The following PREX2 variants were observed in gnomAD, a reference collection of about 807,000 sequenced individuals.
The protein encoded by PREX2 is phosphatidylinositol-3,4,5-trisphosphate dependent Rac exchange factor 2, also known as phosphatidylinositol 3,4,5-trisphosphate-dependent Rac exchanger 2 protein.
In PREX2, 107 loss-of-function variants were observed where a neutral mutation model predicts 203.2. That is an observed-to-expected ratio of 0.53 (90% CI 0.45 to 0.62). PREX2 has a LOEUF of 0.62. PREX2 is among the 20% of genes least tolerant of loss of function. The pLI is 0.00. For missense variants in PREX2, 1,777 were observed against 1,955.9 expected (o/e 0.91, Z 1.72); for synonymous variants, 672 against 663.6 (o/e 1.01, Z -0.19).
intron 35 of PREX2, among the ~76,000 whole-genome samples, 175 bp from the exon 36 acceptor site, chr8:68,191,547 T>C (rs1812294380): frequency 6.6e-6 from 1 of 152,202 alleles, no homozygotes; most frequent in African/African-American, 2.4e-5. Context: ...GGTAATTTTA[T>C]CCATCTTTTT....
At chr8:68,100,715 T>G (rs892377910) in intron 23 of PREX2, among the ~76,000 whole-genome samples, 4 of 152,246 alleles carry the variant, frequency 2.6e-5, no homozygotes, top group Admixed American at 6.5e-5. Context: ...CCTGTACATT[T>G]TGGGACTTGG....
At chr8:68,101,320 AT>A in intron 23 of PREX2, 1 of 518,096 alleles carries the variant, frequency 1.9e-6, no homozygotes, top group Non-Finnish European at 3.9e-6. Flanking sequence ...AGAGATCATG[AT>A]TTTTTCCTTT....
rs1805358566 is a variant in PREX2, at chr8:67,952,183, CA to C, written c.-211del. On this transcript the variant is annotated 5_prime_UTR_variant, in exon 1 of 40. It removes the in-frame stop codon of an upstream open reading frame in the 5' UTR. Transcript: ENST00000288368. The stretch of plus-strand genomic sequence containing the variant: ...CCCCCACTCCCAGGAGTTTCCTCTG[CA>C]GAGCCCCGCGCCCCCCGCGCCGGGA... The C allele has an allele frequency of 2.6e-6, 1 of 390,316 alleles. No individual in the cohort carries two copies. Among genetic ancestry groups the C allele is most frequent in the African/African-American group, 2.1e-5 (1 of 47,116 alleles). The allele number at this position is 390,316 out of a possible 1,614,324, so 24.2% of individuals were successfully genotyped here.
intron 11 of PREX2, among the ~76,000 whole-genome samples, chr8:68,065,617 AAT>A (rs1808995040): frequency 6.6e-6 from 1 of 152,210 alleles, no homozygotes; most frequent in Non-Finnish European, 1.5e-5. Flanking sequence ...AAATGTAGTT[AAT>A]GAGAATTCTG....
chr8:68,153,554 GA>G (rs1474655251), intron 34 of PREX2, among the ~76,000 whole-genome samples: 1 of 152,036 alleles, frequency 6.6e-6, no homozygotes, highest in African/African-American at 2.4e-5. Context: ...TTATTTTATG[GA>G]TGAGAACTAA....
chr8:68,110,037 C>A (rs1262926005), intron 25 of PREX2, among the ~76,000 whole-genome samples: 1 of 152,120 alleles, frequency 6.6e-6, no homozygotes, highest in Non-Finnish European at 1.5e-5. Flanking sequence ...AAATGCTTAA[C>A]ATACTTGTTA....
At position 68,167,199 on chromosome 8, in the gene PREX2, A is replaced by G. The variant is rs567400786; in HGVS notation, c.4346+9763A>G. Among the ~76,000 whole-genome samples, 15 of 152,270 alleles carry G rather than the reference A, an allele frequency of 9.9e-5. 1 individual carries two copies. The South Asian group carries it at 2.1e-3, about 21-fold the overall frequency. On this transcript the variant is annotated intron_variant, in intron 35 of 39. Coordinates refer to ENST00000288368, the MANE Select transcript of PREX2 (RefSeq NM_024870.4). ...GTCACTGTCCTGCTCAAAGCGCTTTAGTGATGTCTTATTCCCACCTCCTAA... is the reference window on the plus strand; with the variant it reads ...GTCACTGTCCTGCTCAAAGCGCTTTGGTGATGTCTTATTCCCACCTCCTAA...
chr8:68,140,047 G>A (rs1811195885), intron 33 of PREX2, among the ~76,000 whole-genome samples: 2 of 152,094 alleles, frequency 1.3e-5, no homozygotes, highest in South Asian at 4.1e-4. Flanking sequence ...GTTTTCCATG[G>A]TTCTCCTATG....
Position 68,060,679 on chromosome 8 carries a change from C to A in PREX2, c.1239C>A (p.Ser413Arg). Residue 413 changes from serine to arginine, a missense_variant and splice_region_variant, in exon 11 of 40, where the codon AGC becomes AGA. Coordinates refer to ENST00000288368, the MANE Select transcript of PREX2 (RefSeq NM_024870.4). ...LTTFPKCFLGSEFVSWLLEIG... is the reference protein window; with the variant it reads ...LTTFPKCFLGREFVSWLLEIG... ...CTTTTTCACTGACTTTCTCTTGCAG[C>A]GAATTTGTGTCATGGCTGTTGGAAA... 2 of 1,607,138 alleles carry A rather than the reference C, an allele frequency of 1.2e-6. No individual in the cohort carries two copies. Among genetic ancestry groups the A allele is most frequent in the South Asian group, 1.1e-5 (1 of 89,680 alleles).
At chr8:68,111,027 G>A (rs1810523298) in intron 25 of PREX2, 1 of 367,254 alleles carries the variant, frequency 2.7e-6, no homozygotes, top group Non-Finnish European at 5.4e-6. Flanking sequence ...CCTTGTGACA[G>A]CAGTTTATAT....
chr8:68,015,927 C>T (rs938367280), intron 1 of PREX2, among the ~76,000 whole-genome samples: 7 of 152,144 alleles, frequency 4.6e-5, no homozygotes, highest in East Asian at 1.9e-4. Flanking sequence ...ATATCCAATA[C>T]ATGTTCATTT....
intron 37 of PREX2, among the ~76,000 whole-genome samples, chr8:68,194,513 C>T (rs1003093025): frequency 2.0e-5 from 3 of 151,712 alleles, no homozygotes; most frequent in Admixed American, 6.6e-5. Flanking sequence ...AGTGGCCGGG[C>T]GCAGTGGCTC....
At chr8:68,069,672 T>C (rs1021842627) in intron 12 of PREX2, among the ~76,000 whole-genome samples, 163 bp from the exon 13 acceptor site, 1 of 150,978 alleles carries the variant, frequency 6.6e-6, no homozygotes, top group Non-Finnish European at 1.5e-5. Flanking sequence ...TTAAATCATA[T>C]TATTTTTATG....
intron 37 of PREX2, among the ~76,000 whole-genome samples, chr8:68,196,433 T>C (rs1313980003): frequency 1.4e-5 from 2 of 147,220 alleles, no homozygotes; most frequent in African/African-American, 4.9e-5. Flanking sequence ...ATGAATTATA[T>C]ATTTTTTTAT....
Position 68,031,260 on chromosome 8 carries a change from C to T in PREX2, c.705+602C>T, listed in dbSNP as rs958222703. Reference sequence around the variant, plus strand: ...AACTTTGATTCCCAGTTATTTCATGCGGTTGGAGTCCTATGTTACTTTACC... The same window carrying T: ...AACTTTGATTCCCAGTTATTTCATGTGGTTGGAGTCCTATGTTACTTTACC... On this transcript the variant is annotated intron_variant, in intron 6 of 39. Transcript: ENST00000288368. 6.8e-4 allele frequency among the ~76,000 whole-genome samples: 103 copies of T among 152,144 alleles called. 1 individual carries two copies. Among genetic ancestry groups the T allele is most frequent in the African/African-American group, 2.2e-4 (9 of 41,528 alleles).
chr8:68,080,167 C>G (rs996974299), intron 15 of PREX2, among the ~76,000 whole-genome samples: 2 of 151,962 alleles, frequency 1.3e-5, no homozygotes, highest in Non-Finnish European at 2.9e-5. Flanking sequence ...AAGCGAAGGA[C>G]TTGGTTAAAT....
chr8:67,999,100 A>G (rs961660286), intron 1 of PREX2, among the ~76,000 whole-genome samples: 3 of 152,114 alleles, frequency 2.0e-5, no homozygotes, highest in African/African-American at 7.2e-5. Flanking sequence ...AAAAATATTC[A>G]CTTAAGATGC....
intron 35 of PREX2, 95 bp from the exon 36 acceptor site, chr8:68,191,627 G>T: frequency 1.1e-6 from 1 of 874,496 alleles, no homozygotes; most frequent in Non-Finnish European, 1.9e-6. Flanking sequence ...TTATTCACTT[G>T]TTTTTAAAAA....
chr8:68,120,791 G>A, intron 29 of PREX2, 130 bp from the exon 30 acceptor site: 2 of 703,940 alleles, frequency 2.8e-6, no homozygotes, highest in South Asian at 4.5e-5. Flanking sequence ...TTTTCTGATG[G>A]TGTGGCAAAA....
Sources: gnomAD v4.1 joint callset for allele counts (sites outside exome capture counted in the v4.1 genomes callset) on GRCh38, gnomAD v4.1.1 for gene constraint, MANE v1.5 for transcripts, NCBI Gene and HGNC (gene_info 2026-07-23, HGNC 2026-07-21) for gene names.